AIG1: variants seen among roughly 807,000 people sequenced by gnomAD.
The protein encoded by AIG1 is androgen induced 1.
A neutral mutation model predicts 31.4 loss-of-function variants in AIG1; 23 were observed. The ratio of observed to expected loss-of-function variants is 0.73; its 90% CI spans 0.53 to 1.04. The LOEUF is 1.04. AIG1 is among the 50% of genes least tolerant of loss of function. The probability of loss-of-function intolerance (pLI) is 0.00; values close to 1 mark genes in which losing one functional copy is unlikely to be tolerated. For missense variants in AIG1, 274 were observed against 295.0 expected, an observed-to-expected ratio of 0.93 and a Z score of 0.52; for synonymous variants, 100 against 110.5, an observed-to-expected ratio of 0.90 and a Z score of 0.60.
Position 143,209,179 on chromosome 6 carries a change from T to C in AIG1, c.399+43996T>C, listed in dbSNP as rs77423488. ...CTCTGATCCTTTAACAAGAAGCAAA[T>C]GTATATCGTTGTGATCCATTTACCA... On this transcript the variant is annotated intron_variant, in intron 3 of 5. Coordinates refer to ENST00000357847, the MANE Select transcript of AIG1 (RefSeq NM_016108.4). 2.6e-3 allele frequency among the ~76,000 whole-genome samples: 395 copies of C among 152,292 alleles called. 3 individuals carry two copies. Among genetic ancestry groups the C allele is most frequent in the African/African-American group, 9.1e-3 (379 of 41,562 alleles).
intron 1 of AIG1, among the ~76,000 whole-genome samples, chr6:143,108,266 C>A (rs1221153026): frequency 6.6e-6 from 1 of 152,062 alleles, no homozygotes; most frequent in African/African-American, 2.4e-5. Flanking sequence ...ACTAAAAATA[C>A]TAAGAGAAAA....
At chr6:143,189,171 G>C in intron 3 of AIG1, 3 of 485,614 alleles carry the variant, frequency 6.2e-6, no homozygotes, top group Non-Finnish European at 8.0e-6. Flanking sequence ...AGCCCCCCAA[G>C]TAGCTGGGAC....
intron 1 of AIG1, among the ~76,000 whole-genome samples, chr6:143,110,183 A>G (rs12660943): frequency 3.2e-4 from 48 of 152,036 alleles, no homozygotes; most frequent in Admixed American, 7.2e-4. Context: ...CCACTGGTCT[A>G]TTTACCTATC....
At chr6:143,149,532 CAAAAAAAAAAAAA>C (rs71767812) in intron 2 of AIG1, among the ~76,000 whole-genome samples, 1 of 40,018 alleles carries the variant, frequency 2.5e-5, no homozygotes, top group Admixed American at 2.6e-4. Flanking sequence ...GACTCTGTCT[CAAAAAAAAAAAAA>C]AAAAAAAAAA....
In AIG1 at chr6:143,279,095, C is replaced by T. The variant is rs7763696; in HGVS notation, c.400-5015C>T. Among the ~76,000 whole-genome samples the T allele has an allele frequency of 0.63, 95,423 of 151,998 alleles. 32,924 individuals carry two copies. Among genetic ancestry groups the T allele is most frequent in the African/African-American group, 0.9 (37,371 of 41,504 alleles). On this transcript the variant is annotated intron_variant, in intron 3 of 5. Transcript: ENST00000357847. This position sits in a 1 kb window ranked among gnomAD's most constrained non-coding sequence, Gnocchi z 5.4. ...GAGTCCCTTCTTACATTAGTGTGTA[C>T]GTGTGTATACGTATATGATGTTTTA...
intron 3 of AIG1, among the ~76,000 whole-genome samples, chr6:143,227,834 G>C (rs1039849604): frequency 3.3e-5 from 5 of 152,148 alleles, no homozygotes; most frequent in Non-Finnish European, 4.4e-5. Context: ...TCGAAGGACC[G>C]AGCTGCAGGA....
chr6:143,316,302 G>A (rs1317324163), intron 4 of AIG1, among the ~76,000 whole-genome samples: 1 of 152,058 alleles, frequency 6.6e-6, no homozygotes. Context: ...ACAGTACCAA[G>A]AAAGATCCCC....
intron 1 of AIG1, among the ~76,000 whole-genome samples, chr6:143,116,773 T>A (rs1781775549): frequency 6.6e-6 from 1 of 150,974 alleles, no homozygotes; most frequent in South Asian, 2.1e-4. Context: ...TTACATACAG[T>A]CCAGGGGCGG....
chr6:143,282,828 G>A (rs1797429792), intron 3 of AIG1, among the ~76,000 whole-genome samples: 1 of 152,188 alleles, frequency 6.6e-6, no homozygotes, highest in African/African-American at 2.4e-5. Context: ...TCCCCAACAT[G>A]CCTTTTGCCT....
At chr6:143,085,482 G>A (rs137979815) in intron 1 of AIG1, among the ~76,000 whole-genome samples, 102 of 152,232 alleles carry the variant, frequency 6.7e-4, no homozygotes, top group African/African-American at 1.8e-3. Flanking sequence ...CTTTTCCAGC[G>A]TGCCCAACAT....
intron 5 of AIG1, among the ~76,000 whole-genome samples, chr6:143,335,877 G>A (rs1235322698): frequency 6.6e-6 from 1 of 150,746 alleles, no homozygotes; most frequent in African/African-American, 2.4e-5. Flanking sequence ...TCAACCTGGA[G>A]GCAGAGGTTG....
Position 143,329,922 on chromosome 6 carries a change from A to G in AIG1, c.516-3360A>G, listed in dbSNP as rs943552336. The stretch of plus-strand genomic sequence containing the variant: ...TGATCGAGACCATATGGGAATATTT[A>G]CTATCTGGTTCTTTACAGAAAAGGT... On this transcript the variant is annotated intron_variant, in intron 4 of 5. Transcript: ENST00000357847. The surrounding 1 kb of genome is among the most constrained non-coding windows in gnomAD (Gnocchi z 4.9). 1.3e-5 allele frequency among the ~76,000 whole-genome samples: 2 copies of G among 152,188 alleles called. No individual in the cohort carries two copies. The highest frequency in any genetic ancestry group is 1.5e-5 in the Non-Finnish European group (1 of 68,032).
Position 143,331,993 on chromosome 6 carries a change from T to C in AIG1, c.516-1289T>C, listed in dbSNP as rs1480890739. On this transcript the variant is annotated intron_variant, in intron 4 of 5. Coordinates refer to ENST00000357847, the MANE Select transcript of AIG1 (RefSeq NM_016108.4). The surrounding 1 kb of genome is among the most constrained non-coding windows in gnomAD (Gnocchi z 4.1). The stretch of plus-strand genomic sequence containing the variant: ...GTCAAGTGATGCTTGTGCCTCAGCC[T>C]CCCGAGTAGCTGGGATTACAGGCGC... 2.0e-5 allele frequency among the ~76,000 whole-genome samples: 3 copies of C among 151,710 alleles called. No individual in the cohort carries two copies. Among genetic ancestry groups the C allele is most frequent in the Non-Finnish European group, 4.4e-5 (3 of 67,972 alleles).
intron 4 of AIG1, among the ~76,000 whole-genome samples, chr6:143,304,626 G>T (rs1443444532): frequency 6.6e-6 from 1 of 151,956 alleles, no homozygotes; most frequent in African/African-American, 2.4e-5. Flanking sequence ...GATTCAGTTT[G>T]CCAGTATTTT....
rs1044287077 is a variant in AIG1, at chr6:143,103,600, C to T, written c.142-33235C>T. Among the ~76,000 whole-genome samples the T allele has an allele frequency of 3.0e-3, 443 of 148,070 alleles. 5 individuals are homozygous for T. The highest frequency in any genetic ancestry group is 0.011 in the African/African-American group (424 of 39,870). ...TCGGCTCACTGCAAGCTCCGCCTCC[C>T]GGGTTCACGCCATTCTCCTGCCTCA... On this transcript the variant is annotated intron_variant, in intron 1 of 5. Transcript: ENST00000357847.
chr6:143,062,477 A>G (rs1776342772), intron 1 of AIG1, among the ~76,000 whole-genome samples: 1 of 152,116 alleles, frequency 6.6e-6, no homozygotes, highest in South Asian at 2.1e-4. Flanking sequence ...TGTTCCTTTT[A>G]GCTTCCAGAA....
chr6:143,117,205 C>T (rs1437053224), intron 1 of AIG1, among the ~76,000 whole-genome samples: 1 of 151,928 alleles, frequency 6.6e-6, no homozygotes, highest in African/African-American at 2.4e-5. Flanking sequence ...TGGAGCAGAG[C>T]GTGTATGGGG....
chr6:143,102,138 T>C (rs185365009), intron 1 of AIG1, among the ~76,000 whole-genome samples: 2 of 152,150 alleles, frequency 1.3e-5, no homozygotes, highest in East Asian at 3.9e-4. Context: ...AATATAAATA[T>C]TTTATAGCTT....
At chr6:143,134,016 A>T (rs191002403) in intron 1 of AIG1, among the ~76,000 whole-genome samples, 2,715 of 152,144 alleles carry the variant, frequency 0.018, 40 homozygotes, top group Non-Finnish European at 0.026. Context: ...CAATCTTTAA[A>T]ACTAAGGGAT....
Sources: allele counts gnomAD v4.1 joint callset (sites outside exome capture counted in the v4.1 genomes callset), GRCh38; gene constraint gnomAD v4.1.1; non-coding constraint Gnocchi (gnomAD v3.1); transcripts MANE v1.5; gene names NCBI Gene and HGNC (gene_info 2026-07-23, HGNC 2026-07-21).